RANBP10: variants seen among roughly 807,000 people sequenced by gnomAD.
RANBP10 encodes the protein ran-binding protein 10.
A neutral mutation model predicts 72.8 loss-of-function variants in RANBP10; 24 were observed. The ratio of observed to expected loss-of-function variants is 0.33; its 90% confidence interval spans 0.24 to 0.46. The LOEUF is 0.46. Among genes scored for constraint, RANBP10 ranks in the 20% least tolerant of loss-of-function variants. The pLI, the probability that RANBP10 is intolerant of heterozygous loss-of-function variation, is 1.00. For synonymous variants in RANBP10, 310 were observed against 322.3 expected (o/e 0.96, Z 0.41); for missense variants, 679 against 817.5 (o/e 0.83, Z 2.07).
chr16:67,784,758 G>A (rs187773268), intron 2 of RANBP10, among the ~76,000 whole-genome samples: 10 of 152,132 alleles, frequency 6.6e-5, no homozygotes, highest in African/African-American at 2.4e-4. Context: ...GGCGGAGGTT[G>A]CAGTAAGCCG....
intron 2 of RANBP10, among the ~76,000 whole-genome samples, chr16:67,800,616 T>C (rs2055219241): frequency 6.6e-6 from 1 of 152,134 alleles, no homozygotes; most frequent in Non-Finnish European, 1.5e-5. Flanking sequence ...CTGGCACCAC[T>C]GGCAGTGCTC....
intron 3 of RANBP10, among the ~76,000 whole-genome samples, chr16:67,768,775 C>A (rs1254967693): frequency 1.3e-5 from 2 of 152,138 alleles, no homozygotes; most frequent in Non-Finnish European, 2.9e-5. Flanking sequence ...GCGTAACAGA[C>A]CACATCCTAA....
intron 3 of RANBP10, among the ~76,000 whole-genome samples, chr16:67,769,776 A>AAATGCTGG (rs2054576625): frequency 7.3e-6 from 1 of 137,912 alleles, no homozygotes; most frequent in East Asian, 2.0e-4. Flanking sequence ...AAAAAAAAAA[A>AAATGCTGG]GAGTCCTTAC....
At chr16:67,782,528 T>C (rs1351257276) in intron 2 of RANBP10, among the ~76,000 whole-genome samples, 1 of 152,148 alleles carries the variant, frequency 6.6e-6, no homozygotes, top group Non-Finnish European at 1.5e-5. Context: ...CTTGGCTCAC[T>C]GCAACCTCTG....
chr16:67,764,068 G>A (rs2143010654), intron 3 of RANBP10, among the ~76,000 whole-genome samples: 1 of 152,294 alleles, frequency 6.6e-6, no homozygotes, highest in South Asian at 2.1e-4. Flanking sequence ...TGTACAGGTG[G>A]AAATCAGGGA....
At chr16:67,779,049 T>C (rs1047610051) in intron 2 of RANBP10, among the ~76,000 whole-genome samples, 2 of 151,640 alleles carry the variant, frequency 1.3e-5, no homozygotes, top group African/African-American at 4.8e-5. Flanking sequence ...CCTCCCGCCA[T>C]TGCACTCCAG....
intron 5 of RANBP10, among the ~76,000 whole-genome samples, chr16:67,737,712 C>T (rs559752382): frequency 1.3e-5 from 2 of 152,102 alleles, no homozygotes; most frequent in East Asian, 3.9e-4. Context: ...TGGTTTAGAC[C>T]AGTTGAGCCA....
At chr16:67,775,790 T>TA (rs34379359) in intron 2 of RANBP10, among the ~76,000 whole-genome samples, 965 of 76,478 alleles carry the variant, frequency 0.013, 8 homozygotes, top group East Asian at 0.061. Flanking sequence ...AGACTCCGTC[T>TA]AAAAAAAAAA....
At position 67,729,772 on chromosome 16, in the gene RANBP10, C is replaced by A; in HGVS notation, c.1055G>T (p.Ser352Ile). 2 of 1,614,146 alleles carry A rather than the reference C, an allele frequency of 1.2e-6. No homozygotes were observed. The highest frequency in any genetic ancestry group is 1.7e-6 in the Non-Finnish European group (2 of 1,180,040). The change falls in exon 9 of 14, where the codon AGC (serine) becomes ATC (isoleucine). Residue 352 changes from serine to isoleucine, a missense_variant. Ser to Ile is a moderately radical substitution (Grantham distance 142). Transcript: ENST00000317506. This position sits in a 1 kb window ranked among gnomAD's most constrained non-coding sequence, Gnocchi z 7.1. Reference sequence around the variant, plus strand: ...GTCCTGGGACTTGGGGCTTCGGGAGCTCAAACTTCGGACCTCACTGTCCGT... The same window carrying A: ...GTCCTGGGACTTGGGGCTTCGGGAGATCAAACTTCGGACCTCACTGTCCGT... ...NGTDSEVRSL[S>I]SRSPKSQDSY...
At chr16:67,736,230 C>T (rs561892471) in intron 5 of RANBP10, among the ~76,000 whole-genome samples, 21 of 152,104 alleles carry the variant, frequency 1.4e-4, no homozygotes, top group African/African-American at 5.1e-4. Context: ...GGCGCGATTT[C>T]AGCTCACCGC....
intron 2 of RANBP10, among the ~76,000 whole-genome samples, chr16:67,786,909 A>G (rs1459930796): frequency 1.3e-5 from 2 of 151,858 alleles, no homozygotes; most frequent in Admixed American, 6.6e-5. Context: ...CCTGGGGGAT[A>G]GAGCTAGACT....
chr16:67,765,199 CAAAAAAAAAAA>C (rs569942198), intron 3 of RANBP10, among the ~76,000 whole-genome samples: 30 of 11,648 alleles, frequency 2.6e-3, no homozygotes, highest in South Asian at 6.6e-3. Flanking sequence ...GACTCCATCT[CAAAAAAAAAAA>C]AAAAAAAAAA....
chr16:67,783,980 T>G (rs1001915517), intron 2 of RANBP10, among the ~76,000 whole-genome samples: 1 of 149,124 alleles, frequency 6.7e-6, no homozygotes, highest in Non-Finnish European at 1.5e-5. Context: ...AAGGTGGAGG[T>G]TGCAGTGAGC....
At chr16:67,750,094 T>C (rs948226871) in intron 3 of RANBP10, among the ~76,000 whole-genome samples, 17 of 152,200 alleles carry the variant, frequency 1.1e-4, no homozygotes, top group African/African-American at 3.9e-4. Flanking sequence ...GCACAACAGA[T>C]GTTGCCAGGG....
chr16:67,728,681 G>T, intron 10 of RANBP10, 170 bp from the exon 11 acceptor site: 1 of 1,243,558 alleles, frequency 8.0e-7, no homozygotes, highest in Non-Finnish European at 1.1e-6. Context: ...CCCCTACTGT[G>T]ACACCAGCTA....
intron 3 of RANBP10, among the ~76,000 whole-genome samples, chr16:67,766,346 G>A (rs546311115): frequency 1.3e-5 from 2 of 152,306 alleles, no homozygotes; most frequent in African/African-American, 4.8e-5. Flanking sequence ...ACCCAGTACT[G>A]CAATGAATAA....
chr16:67,746,512 G>C (rs1316254154), intron 3 of RANBP10, among the ~76,000 whole-genome samples: 1 of 151,710 alleles, frequency 6.6e-6, no homozygotes, highest in African/African-American at 2.4e-5. Flanking sequence ...TTAGCCAAGT[G>C]TGGTGGCGCC....
intron 13 of RANBP10, 100 bp from the exon 14 acceptor site, chr16:67,726,658 T>C: frequency 7.3e-7 from 1 of 1,373,846 alleles, no homozygotes. Context: ...GGACAGATTC[T>C]CTTGGAACAG....
At chr16:67,800,557 A>G (rs1341897659) in intron 2 of RANBP10, among the ~76,000 whole-genome samples, 1 of 152,088 alleles carries the variant, frequency 6.6e-6, no homozygotes, top group African/African-American at 2.4e-5. Context: ...CCTCAGCTTC[A>G]GGCCCTCCTT....
Sources: gnomAD v4.1 joint callset for allele counts (sites outside exome capture counted in the v4.1 genomes callset) on GRCh38, gnomAD v4.1.1 for gene constraint, Gnocchi (gnomAD v3.1) non-coding constraint, MANE v1.5 for transcripts, NCBI Gene and HGNC (gene_info 2026-07-23, HGNC 2026-07-21) for gene names.